Variants in RAD51B observed in about 807,000 individuals in gnomAD.
RAD51B encodes RAD51 paralog B.
In RAD51B, 38 loss-of-function variants were observed where a neutral mutation model predicts 42.2. The observed-to-expected ratio is 0.90, with a 90% CI of 0.70 to 1.18. The LOEUF is 1.18. Ranked by LOEUF, RAD51B falls within the 50% of genes most tolerant of loss-of-function variation. The pLI is 0.00. For synonymous variants in RAD51B, 154 were observed against 145.2 expected (o/e 1.06, Z -0.43); for missense variants, 373 against 400.7 (o/e 0.93, Z 0.59).
intron 8 of RAD51B, among the ~76,000 whole-genome samples, chr14:68,301,007 G>A (rs1429324599): frequency 2.4e-4 from 37 of 152,192 alleles, no homozygotes; most frequent in Non-Finnish European, 4.4e-5. Flanking sequence ...ACCCTCAGGG[G>A]AGTGTCTGAG....
intron 10 of RAD51B, among the ~76,000 whole-genome samples, chr14:68,508,588 C>G (rs1191359123): frequency 2.6e-5 from 4 of 152,168 alleles, no homozygotes; most frequent in African/African-American, 9.7e-5. Flanking sequence ...GAGATTGCAG[C>G]CTGGGGTGAC....
intron 4 of RAD51B, among the ~76,000 whole-genome samples, chr14:67,837,470 T>C (rs1280090580): frequency 1.3e-5 from 2 of 152,206 alleles, no homozygotes; most frequent in Non-Finnish European, 2.9e-5. Context: ...TTTAGGTGTT[T>C]TGTTGTTATC....
intron 4 of RAD51B, among the ~76,000 whole-genome samples, chr14:67,848,203 G>A (rs1402162733): frequency 6.6e-6 from 1 of 152,170 alleles, no homozygotes; most frequent in African/African-American, 2.4e-5. Flanking sequence ...ATTTTTAGTA[G>A]AGATGGGGTT....
rs530654023 is a variant in RAD51B at position 68,189,159 on chromosome 14, A to G, written c.757-102725A>G. Among the ~76,000 whole-genome samples the G allele has an allele frequency of 1.4e-3, 218 of 152,188 alleles. 2 individuals carry two copies. The highest frequency in any genetic ancestry group is 5.1e-3 in the African/African-American group (211 of 41,532). On this transcript the variant is annotated intron_variant, in intron 7 of 10. Transcript: ENST00000471583. ...ATATATTTGTTACTATATAATTTAC[A>G]TATCGTAAAGTACACAAATCATAAG...
chr14:68,612,068 T>G (rs1891699791), downstream of RAD51B, among the ~76,000 whole-genome samples: 1 of 151,800 alleles, frequency 6.6e-6, no homozygotes, highest in African/African-American at 2.4e-5. Flanking sequence ...AATGGACATT[T>G]TAAAAGTGCT....
intron 7 of RAD51B, among the ~76,000 whole-genome samples, chr14:68,178,039 T>C (rs2078993965): frequency 6.6e-6 from 1 of 152,154 alleles, no homozygotes; most frequent in Non-Finnish European, 1.5e-5. Flanking sequence ...GTGACCATGC[T>C]GCCCTCTTCA....
intron 7 of RAD51B, among the ~76,000 whole-genome samples, chr14:67,988,778 A>G (rs1363005793): frequency 6.6e-6 from 1 of 152,188 alleles, no homozygotes; most frequent in Non-Finnish European, 1.5e-5. Context: ...TTCTGTTTTG[A>G]CACATTGAAT....
chr14:68,377,500 G>A (rs190059976), intron 8 of RAD51B, among the ~76,000 whole-genome samples: 4 of 152,304 alleles, frequency 2.6e-5, no homozygotes, highest in Admixed American at 2.6e-4. Context: ...TCAACGATGA[G>A]CAGAAGAATC....
chr14:68,056,640 T>A (rs975582816), intron 7 of RAD51B, among the ~76,000 whole-genome samples: 1 of 151,700 alleles, frequency 6.6e-6, no homozygotes, highest in Admixed American at 6.6e-5. Flanking sequence ...TCCCAGCTAC[T>A]CGGGAGGCTG....
intron 10 of RAD51B, among the ~76,000 whole-genome samples, chr14:68,581,006 T>C (rs1482373150): frequency 6.6e-6 from 1 of 152,206 alleles, no homozygotes; most frequent in African/African-American, 2.4e-5. Context: ...TTCATAAGCA[T>C]TAATTACTTT....
At chr14:67,829,744 C>T (rs1048911887) in intron 3 of RAD51B, among the ~76,000 whole-genome samples, 1 of 152,086 alleles carries the variant, frequency 6.6e-6, no homozygotes, top group Non-Finnish European at 1.5e-5. Flanking sequence ...GGCACCAAGG[C>T]TATCATGGTG....
At chr14:68,020,455 T>G (rs1045136819) in intron 7 of RAD51B, among the ~76,000 whole-genome samples, 3 of 152,108 alleles carry the variant, frequency 2.0e-5, no homozygotes, top group Non-Finnish European at 2.9e-5. Context: ...TTTAAAAACA[T>G]CACTTAAAGT....
chr14:68,537,720 T>G (rs535660540), intron 10 of RAD51B, among the ~76,000 whole-genome samples: 1 of 152,322 alleles, frequency 6.6e-6, no homozygotes, highest in South Asian at 2.1e-4. Flanking sequence ...ATATTTTGAG[T>G]GAGACCTTCA....
chr14:67,975,614 G>A (rs2074978288), intron 7 of RAD51B, among the ~76,000 whole-genome samples: 1 of 152,186 alleles, frequency 6.6e-6, no homozygotes, highest in South Asian at 2.1e-4. Context: ...GCCACGTGCT[G>A]GAAGATTTAT....
intron 10 of RAD51B, among the ~76,000 whole-genome samples, chr14:68,560,465 G>A (rs992030191): frequency 6.6e-6 from 1 of 152,160 alleles, no homozygotes; most frequent in African/African-American, 2.4e-5. Context: ...GCTGGGCGCG[G>A]TGGCTCACGC....
intron 10 of RAD51B, among the ~76,000 whole-genome samples, chr14:68,534,907 T>C: frequency 6.6e-6 from 1 of 152,204 alleles, no homozygotes; most frequent in Non-Finnish European, 1.5e-5. Context: ...TGAGCACTAA[T>C]GTGCCAAGGG....
chr14:68,205,225 T>G (rs1196089090), intron 7 of RAD51B, among the ~76,000 whole-genome samples: 1 of 152,184 alleles, frequency 6.6e-6, no homozygotes, highest in Non-Finnish European at 1.5e-5. Context: ...AGTGGAAATT[T>G]GAGATGAGTG....
rs1460758162 is a variant in RAD51B, at chr14:68,156,454, T to TC, written c.757-135430_757-135429insC. Reference sequence around the variant, plus strand: ...TAAGTCAAGAAAGCACCTTAGAAAATTTCTCTCTCTCTCTCTCTCTCTCTC... The same window carrying TC: ...TAAGTCAAGAAAGCACCTTAGAAAATCTTCTCTCTCTCTCTCTCTCTCTCTC... On this transcript the variant is annotated intron_variant, in intron 7 of 10. Coordinates refer to ENST00000471583, the MANE Select transcript of RAD51B (RefSeq NM_133510.4). Among the ~76,000 whole-genome samples the TC allele has an allele frequency of 6.2e-4, 79 of 127,588 alleles. No homozygotes were observed. In the South Asian group the frequency reaches 6.5e-3, roughly 11 times the overall value. 83.7% of individuals were successfully genotyped at this position (127,588 alleles called of 152,430 possible).
At chr14:67,993,732 T>C (rs191557785) in intron 7 of RAD51B, among the ~76,000 whole-genome samples, 16 of 152,304 alleles carry the variant, frequency 1.1e-4, no homozygotes, top group East Asian at 1.9e-4. Flanking sequence ...CCAGATCATA[T>C]TGTAACTCTA....
Sources: gnomAD v4.1 joint callset for allele counts (sites outside exome capture counted in the v4.1 genomes callset) on GRCh38, gnomAD v4.1.1 for gene constraint, MANE v1.5 for transcripts, NCBI Gene and HGNC (gene_info 2026-07-23, HGNC 2026-07-21) for gene names.